ARSG: variants seen among roughly 807,000 people sequenced by gnomAD.
ARSG encodes ASG.
In ARSG, 37 loss-of-function variants were observed where a neutral mutation model predicts 50.5. That is an observed-to-expected ratio of 0.73 (90% CI 0.56 to 0.96). The LOEUF is 0.96. Ranked by LOEUF, ARSG falls within the 50% of genes least tolerant of loss-of-function variation. ARSG has a pLI of 0.00. For missense variants in ARSG, 629 were observed against 675.3 expected, an observed-to-expected ratio of 0.93 and a Z score of 0.76; for synonymous variants, 225 against 254.6, an observed-to-expected ratio of 0.88 and a Z score of 1.11.
intron 2 of ARSG, among the ~76,000 whole-genome samples, chr17:68,319,775 AGAATGCAG>A (rs1555769904): frequency 6.6e-6 from 1 of 152,232 alleles, no homozygotes; most frequent in African/African-American, 2.4e-5. Context: ...ACCAGCCTTT[AGAATGCAG>A]GAGGGTAGTG....
the ARSG span, chr17:68,429,075 G>T: frequency 1.6e-6 from 1 of 643,336 alleles, no homozygotes; most frequent in Non-Finnish European, 2.7e-6. Context: ...TCTGGTCTGG[G>T]CTTCTGGCTA....
chr17:68,391,852 A>T (rs1264967977), intron 9 of ARSG, among the ~76,000 whole-genome samples: 2 of 152,238 alleles, frequency 1.3e-5, no homozygotes, highest in African/African-American at 4.8e-5. Context: ...GAGATAAGCC[A>T]CCAGCTCCAT....
chr17:68,415,000 C>G lies in ARSG; in HGVS notation c.1304-5189C>G, dbSNP rs142045921. 3.1e-4 allele frequency among the ~76,000 whole-genome samples: 47 copies of G among 152,124 alleles called. 1 individual carries two copies. Among genetic ancestry groups the G allele is most frequent in the Non-Finnish European group, 6.8e-4 (46 of 67,964 alleles). On this transcript the variant is annotated intron_variant, in intron 11 of 11. Transcript: ENST00000621439. ...AGAACCAGCTTTGTGTTTCATTTAT[C>G]TTTTTTATTTTTTTGTTTCAATTTC...
At chr17:68,328,110 T>A (rs1365668479) in intron 2 of ARSG, among the ~76,000 whole-genome samples, 1 of 152,048 alleles carries the variant, frequency 6.6e-6, no homozygotes, top group African/African-American at 2.4e-5. Flanking sequence ...GCAGTGTACA[T>A]GATACCAGGA....
intron 1 of ARSG, chr17:68,268,327 ACATTTTTAAATGC>A (rs1555747060): frequency 6.6e-6 from 1 of 152,568 alleles, no homozygotes; most frequent in East Asian, 1.9e-4. Context: ...AACAGGAAAC[ACATTTTTAAATGC>A]CATTTTGTAT....
At position 68,381,807 on chromosome 17, in the gene ARSG, G is replaced by A. The variant is rs2080445482; in HGVS notation, c.983-3257G>A. Among the ~76,000 whole-genome samples the A allele has an allele frequency of 2.0e-5, 3 of 152,130 alleles. No individual in the cohort carries two copies. Among genetic ancestry groups the A allele is most frequent in the Admixed American group, 6.5e-5 (1 of 15,268 alleles). The stretch of plus-strand genomic sequence containing the variant: ...AGGTCGATTAAATCACAGTCTCTGG[G>A]AAAGAGACTTTGGCATGCGTATTTT... On this transcript the variant is annotated intron_variant, in intron 8 of 11. Coordinates refer to ENST00000621439, the MANE Select transcript of ARSG (RefSeq NM_001267727.2). The surrounding 1 kb of genome is among the most constrained non-coding windows in gnomAD (Gnocchi z 4.1).
intron 5 of ARSG, among the ~76,000 whole-genome samples, chr17:68,353,137 ATTTC>A (rs961297963): frequency 1.3e-5 from 2 of 152,044 alleles, no homozygotes; most frequent in East Asian, 3.9e-4. Context: ...TGAGGTAGGT[ATTTC>A]TTAGGTTGGT....
chr17:68,294,511 G>C (rs1380180870), intron 1 of ARSG, among the ~76,000 whole-genome samples: 1 of 152,070 alleles, frequency 6.6e-6, no homozygotes, highest in African/African-American at 2.4e-5. Context: ...CTGGGAAGAG[G>C]GTCCCGCAAG....
intron 6 of ARSG, among the ~76,000 whole-genome samples, chr17:68,365,107 C>A (rs571228634): frequency 1.3e-5 from 2 of 152,164 alleles, no homozygotes; most frequent in South Asian, 4.1e-4. Flanking sequence ...GTCAGGAGTT[C>A]GAGACCAGCC....
chr17:68,356,804 G>C lies in ARSG; in HGVS notation c.704G>C (p.Ser235Thr), dbSNP rs1286934936. 2 of 1,614,042 alleles carry C rather than the reference G, an allele frequency of 1.2e-6. No individual in the cohort carries two copies. Among genetic ancestry groups the C allele is most frequent in the African/African-American group, 2.7e-5 (2 of 74,916 alleles). ...GCAACCCAGTTCATCCAGCGTGCAA[G>C]GTGAGGAGTCTCCCTCCCTCCGCAG... ...EKATQFIQRA[S>T]TSGRPFLLYV... Residue 235 changes from serine (S) to threonine (T), a missense_variant and splice_region_variant, in exon 6 of 12, where the codon AGC (serine) becomes ACC (threonine). Coordinates refer to ENST00000621439, the MANE Select transcript of ARSG (RefSeq NM_001267727.2).
At chr17:68,297,051 T>C (rs1555758541) in intron 1 of ARSG, among the ~76,000 whole-genome samples, 1 of 152,216 alleles carries the variant, frequency 6.6e-6, no homozygotes, top group Admixed American at 6.5e-5. Flanking sequence ...AATTATGCAG[T>C]GCATAAACTA....
At chr17:68,332,697 G>A (rs34927084) in intron 2 of ARSG, among the ~76,000 whole-genome samples, 8,277 of 152,262 alleles carry the variant, frequency 0.054, 309 homozygotes, top group South Asian at 0.083. Context: ...TTAATTTGGA[G>A]AACTTAATAA....
intron 8 of ARSG, among the ~76,000 whole-genome samples, chr17:68,374,966 A>C (rs2080074622): frequency 6.6e-6 from 1 of 152,024 alleles, no homozygotes; most frequent in African/African-American, 2.4e-5. Context: ...TTGAGTGCCT[A>C]CTGTTTTCTA....
the ARSG span, among the ~76,000 whole-genome samples, chr17:68,445,435 T>C: frequency 6.6e-6 from 1 of 152,134 alleles, no homozygotes; most frequent in Non-Finnish European, 1.5e-5. Context: ...TTATTTCTAC[T>C]CAGACTCTCC....
chr17:68,377,458 G>T (rs1198752667), intron 8 of ARSG, among the ~76,000 whole-genome samples: 1 of 152,164 alleles, frequency 6.6e-6, no homozygotes, highest in East Asian at 1.9e-4. Flanking sequence ...AGAGGGTTTG[G>T]AGGCTCAGGC....
intron 1 of ARSG, chr17:68,268,861 A>G (rs1230875153): frequency 7.9e-6 from 5 of 636,240 alleles, no homozygotes; most frequent in Middle Eastern, 2.7e-4. Context: ...TATATATGGA[A>G]GAGTGCTTGG....
chr17:68,299,745 A>C (rs2145431302), intron 1 of ARSG, among the ~76,000 whole-genome samples: 1 of 152,306 alleles, frequency 6.6e-6, no homozygotes, highest in South Asian at 2.1e-4. Flanking sequence ...TGATTAGAAC[A>C]AACCAACTGT....
the ARSG span, chr17:68,433,685 G>A: frequency 1.4e-6 from 1 of 702,702 alleles, no homozygotes; most frequent in East Asian, 3.7e-5. Flanking sequence ...AAGAGCCTAG[G>A]TAGACCCAGA....
At chr17:68,370,548 T>C (rs778600440) in intron 8 of ARSG, 24 bp downstream of exon 8, 2 of 1,607,776 alleles carry the variant, frequency 1.2e-6, no homozygotes, top group Non-Finnish European at 1.7e-6. Flanking sequence ...CTGGGGTTGG[T>C]GGATCCCATT....
Sources: gnomAD v4.1 joint callset for allele counts (sites outside exome capture counted in the v4.1 genomes callset) on GRCh38, gnomAD v4.1.1 for gene constraint, Gnocchi (gnomAD v3.1) non-coding constraint, MANE v1.5 for transcripts, NCBI Gene and HGNC (gene_info 2026-07-23, HGNC 2026-07-21) for gene names.